The following ABHD18 variants were observed in gnomAD, a reference collection of about 807,000 sequenced individuals.
The protein encoded by ABHD18 is abhydrolase domain containing 18.
ABHD18 carries 55 observed loss-of-function variants against 65.9 expected under a neutral mutation model. That is an observed-to-expected ratio of 0.84 (90% confidence interval 0.67 to 1.05). The LOEUF is 1.05. Ranked by LOEUF, ABHD18 falls within the 50% of genes least tolerant of loss-of-function variation. ABHD18 has a pLI of 0.00. For missense variants in ABHD18, 533 were observed against 558.5 expected (o/e 0.95, Z 0.46); for synonymous variants, 181 against 180.2 (o/e 1.00, Z -0.04).
chr4:128,036,692 A>G lies in ABHD18; in HGVS notation c.*879A>G, dbSNP rs902757144. 1.3e-5 allele frequency: 2 copies of G among 152,458 alleles called. No individual in the cohort carries two copies. Among genetic ancestry groups the G allele is most frequent in the Non-Finnish European group, 2.9e-5 (2 of 68,292 alleles). 9.4% of individuals were successfully genotyped at this position (152,458 alleles called of 1,614,324 possible). On this transcript the variant is annotated 3_prime_UTR_variant, in exon 13 of 13. Coordinates refer to ENST00000645843, the MANE Select transcript of ABHD18 (RefSeq NM_001358451.3). ...GGTTGCGGTGATCCGAGATCACACC[A>G]TTGCACTCCAGCCTGGGCAACAAGA...
At chr4:127,996,544 G>T (rs576545135) in intron 4 of ABHD18, among the ~76,000 whole-genome samples, 3 of 152,278 alleles carry the variant, frequency 2.0e-5, no homozygotes, top group South Asian at 4.2e-4. Flanking sequence ...ACTGATGAGG[G>T]TCTATGTCCC....
chr4:127,977,492 TA>T (rs1229071869), intron 1 of ABHD18, among the ~76,000 whole-genome samples: 2 of 152,114 alleles, frequency 1.3e-5, no homozygotes, highest in African/African-American at 2.4e-5. Context: ...AAATAAAAAA[TA>T]AATTTAAAAA....
intron 12 of ABHD18, among the ~76,000 whole-genome samples, chr4:128,035,067 A>G (rs1579501353): frequency 1.3e-5 from 2 of 152,216 alleles, no homozygotes; most frequent in African/African-American, 4.8e-5. Flanking sequence ...AAACATCTAT[A>G]TCATAATCTG....
chr4:127,984,043 G>GA (rs35602390), intron 2 of ABHD18, among the ~76,000 whole-genome samples: 23,245 of 137,774 alleles, frequency 0.17, 2,237 homozygotes, highest in Middle Eastern at 0.31. Context: ...TCTCAAGGGG[G>GA]AAAAAAAAAA....
chr4:127,998,902 T>C (rs920154564), intron 4 of ABHD18, among the ~76,000 whole-genome samples: 7 of 152,124 alleles, frequency 4.6e-5, no homozygotes, highest in Non-Finnish European at 8.8e-5. Flanking sequence ...TAAACATCTT[T>C]TGAATGATTA....
At position 128,001,807 on chromosome 4, in the gene ABHD18, A is replaced by G. The variant is rs182924258; in HGVS notation, c.279-7113A>G. The G allele has an allele frequency of 3.1e-3, 4,640 of 1,518,630 alleles. 12 individuals are homozygous for G. The highest frequency in any genetic ancestry group is 3.2e-3 in the Non-Finnish European group (3,673 of 1,135,510). 94.1% of individuals were successfully genotyped at this position (1,518,630 alleles called of 1,614,324 possible). ...TCTAGAAACTTTTGTGGTCTTTTGT[A>G]TATCCTTAGTGGTTAGATGTTGAGT... On this transcript the variant is annotated intron_variant, in intron 4 of 12. Coordinates refer to ENST00000645843, the MANE Select transcript of ABHD18 (RefSeq NM_001358451.3).
At chr4:128,023,855 G>C (rs577447262) in intron 10 of ABHD18, among the ~76,000 whole-genome samples, 1 of 152,326 alleles carries the variant, frequency 6.6e-6, no homozygotes, top group Non-Finnish European at 1.5e-5. Context: ...CTGCACGCCA[G>C]CCTGGGCAAC....
intron 10 of ABHD18, among the ~76,000 whole-genome samples, chr4:128,022,368 T>C (rs1579424733): frequency 6.6e-6 from 1 of 152,214 alleles, no homozygotes; most frequent in Non-Finnish European, 1.5e-5. Flanking sequence ...ATTTTTCTGA[T>C]TGCATTCTCA....
Position 127,984,441 on chromosome 4 carries a change from A to G in ABHD18, c.177+18A>G. The G allele has an allele frequency of 7.1e-7, 1 of 1,409,792 alleles. No homozygotes were observed. The highest frequency in any genetic ancestry group is 1.3e-5 in the South Asian group (1 of 74,896). The allele number at this position is 1,409,792 out of a possible 1,614,324, so 87.3% of individuals were successfully genotyped here. A position where few individuals can be genotyped will look rare whatever the true frequency, so the allele number is the denominator to read the frequency against. On this transcript the variant is annotated intron_variant, in intron 3 of 12. Coordinates refer to ENST00000645843, the MANE Select transcript of ABHD18 (RefSeq NM_001358451.3). ...TTGATAAGGTATTCAAATGAGAGAAACACAGTTATAGGAATTGTGGTTTGA... is the reference window on the plus strand; with the variant it reads ...TTGATAAGGTATTCAAATGAGAGAAGCACAGTTATAGGAATTGTGGTTTGA...
rs1560962320 is a variant in ABHD18, at chr4:128,039,154, TATATATATATA to T, written c.*3342_*3352del. ...ATATACACACATATGCATATATATATATATATATATATATATATATATATATATATAATCTC... is the reference window on the plus strand; with the variant it reads ...ATATACACACATATGCATATATATATTATATATATATATATATATAATCTC... On this transcript the variant is annotated 3_prime_UTR_variant, in exon 13 of 13. Transcript: ENST00000645843. The T allele has an allele frequency of 3.7e-5, 3 of 81,500 alleles. No individual in the cohort carries two copies. The highest frequency in any genetic ancestry group is 1.5e-4 in the African/African-American group (3 of 20,456). The allele number at this position is 81,500 out of a possible 1,614,324, so 5.0% of individuals were successfully genotyped here.
chr4:127,999,200 C>A (rs1752268249), intron 4 of ABHD18, among the ~76,000 whole-genome samples: 1 of 152,110 alleles, frequency 6.6e-6, no homozygotes, highest in South Asian at 2.1e-4. Flanking sequence ...AGGAGAATCA[C>A]TTGAACCTGG....
chr4:128,034,346 C>T (rs1157405496), intron 12 of ABHD18, among the ~76,000 whole-genome samples: 1 of 152,050 alleles, frequency 6.6e-6, no homozygotes, highest in Non-Finnish European at 1.5e-5. Context: ...TTTCCCCTTC[C>T]TATGTTTTGG....
At chr4:128,008,087 C>T (rs537620926) in intron 4 of ABHD18, among the ~76,000 whole-genome samples, 23 of 151,816 alleles carry the variant, frequency 1.5e-4, no homozygotes, top group Non-Finnish European at 2.9e-4. Context: ...CGTGGTGAAA[C>T]GCCATCTCTA....
At chr4:128,001,568 T>C (rs1414712837) in intron 4 of ABHD18, 2 of 667,734 alleles carry the variant, frequency 3.0e-6, no homozygotes, top group South Asian at 3.0e-5. Flanking sequence ...GTTCTGTAGA[T>C]AGTAAATTTT....
intron 1 of ABHD18, among the ~76,000 whole-genome samples, chr4:127,979,005 TA>T (rs1748483942): frequency 6.6e-6 from 1 of 152,226 alleles, no homozygotes; most frequent in African/African-American, 2.4e-5. Context: ...ACATCAACTT[TA>T]TGGTAAGTAT....
In ABHD18 at chr4:128,017,553, C is replaced by G. The variant is rs1560908979; in HGVS notation, c.609+52C>G. The G allele has an allele frequency of 6.8e-6, 10 of 1,464,988 alleles. No homozygotes were observed. The East Asian group carries it at 2.2e-4, about 32-fold the overall frequency. The allele number at this position is 1,464,988 out of a possible 1,614,324, so 90.7% of individuals were successfully genotyped here. On this transcript the variant is annotated intron_variant, in intron 8 of 12. Coordinates refer to ENST00000645843, the MANE Select transcript of ABHD18 (RefSeq NM_001358451.3). ...TTAATTATGTTTATGTTTGTAAGATCTAGAGAACCTGGTTATTTTAAAAAT... is the reference window on the plus strand; with the variant it reads ...TTAATTATGTTTATGTTTGTAAGATGTAGAGAACCTGGTTATTTTAAAAAT...
At chr4:127,988,590 G>A (rs1750388948) in intron 3 of ABHD18, among the ~76,000 whole-genome samples, 2 of 152,018 alleles carry the variant, frequency 1.3e-5, no homozygotes, top group Admixed American at 1.3e-4. Context: ...CATATCTGTG[G>A]ATGATATGGC....
At chr4:128,004,798 C>T (rs966612604) in intron 4 of ABHD18, among the ~76,000 whole-genome samples, 1 of 151,862 alleles carries the variant, frequency 6.6e-6, no homozygotes, top group African/African-American at 2.4e-5. Flanking sequence ...GTAATCCCAG[C>T]TACTCGAGAG....
At chr4:128,005,329 C>T (rs1579315392) in intron 4 of ABHD18, among the ~76,000 whole-genome samples, 2 of 152,134 alleles carry the variant, frequency 1.3e-5, no homozygotes, top group East Asian at 3.8e-4. Flanking sequence ...TTTCCTATTA[C>T]TTAGATTCAT....
Sources: allele counts gnomAD v4.1 joint callset (sites outside exome capture counted in the v4.1 genomes callset), GRCh38; gene constraint gnomAD v4.1.1; transcripts MANE v1.5; gene names NCBI Gene and HGNC (gene_info 2026-07-23, HGNC 2026-07-21).